The following TCF7L1 variants were observed in gnomAD, a reference collection of about 807,000 sequenced individuals.
The protein encoded by TCF7L1 is transcription factor 7 like 1, also known as transcription factor 7-like 1.
Under a neutral mutation model 63.7 loss-of-function variants are expected in TCF7L1, and 18 were observed. That is an observed-to-expected ratio of 0.28 (90% CI 0.20 to 0.42). TCF7L1 has a LOEUF of 0.42. Ranked by LOEUF, TCF7L1 falls within the 10% of genes least tolerant of loss-of-function variation. The pLI is 1.00. For missense variants in TCF7L1, 654 were observed against 779.3 expected (o/e 0.84, Z 1.91); for synonymous variants, 355 against 340.9 (o/e 1.04, Z -0.46).
intron 3 of TCF7L1, among the ~76,000 whole-genome samples, chr2:85,257,631 A>G (rs983018405): frequency 6.6e-6 from 1 of 152,206 alleles, no homozygotes; most frequent in Admixed American, 6.5e-5. Flanking sequence ...GCTGCTGGCC[A>G]CACATGCCCA....
rs966897182 is a variant in TCF7L1 at position 85,269,792 on chromosome 2, G to A, written c.442-13703G>A. Among the ~76,000 whole-genome samples the A allele has an allele frequency of 5.9e-5, 9 of 152,132 alleles. No individual in the cohort carries two copies. In the South Asian group the frequency reaches 6.2e-4, roughly 11 times the overall value. On this transcript the variant is annotated intron_variant, in intron 3 of 11. Transcript: ENST00000282111. Reference sequence around the variant, plus strand: ...CTCCCTTCAATATGGACATAAAATCGTGTTGTTCCCTGAGATATGTAAGCC... The same window carrying A: ...CTCCCTTCAATATGGACATAAAATCATGTTGTTCCCTGAGATATGTAAGCC...
chr2:85,150,266 C>T (rs1008925237), intron 3 of TCF7L1, among the ~76,000 whole-genome samples: 21 of 149,948 alleles, frequency 1.4e-4, no homozygotes, highest in Admixed American at 4.0e-4. Flanking sequence ...CGGAGTCTCG[C>T]TCTGTCGCCC....
At chr2:85,160,258 C>T (rs1035211399) in intron 3 of TCF7L1, among the ~76,000 whole-genome samples, 3 of 152,122 alleles carry the variant, frequency 2.0e-5, no homozygotes, top group Non-Finnish European at 2.9e-5. Context: ...ATTTGTTGGC[C>T]GCATTGTGTG....
chr2:85,171,772 A>G (rs1010945066), intron 3 of TCF7L1, among the ~76,000 whole-genome samples: 2 of 152,166 alleles, frequency 1.3e-5, no homozygotes, highest in Admixed American at 6.5e-5. Flanking sequence ...GGACTCTCCA[A>G]GCCTCCATCT....
At chr2:85,215,493 G>T (rs578240981) in intron 3 of TCF7L1, among the ~76,000 whole-genome samples, 79 of 152,238 alleles carry the variant, frequency 5.2e-4, no homozygotes, top group Non-Finnish European at 9.0e-4. Context: ...TGCTTGGCAG[G>T]TTGGCTTGGC....
At position 85,309,143 on chromosome 2, in the gene TCF7L1, C is replaced by G; in HGVS notation, c.1448C>G (p.Ser483Cys). The G allele has an allele frequency of 1.2e-6, 2 of 1,614,094 alleles. No individual in the cohort carries two copies. Among genetic ancestry groups the G allele is most frequent in the Non-Finnish European group, 1.7e-6 (2 of 1,180,030 alleles). The change falls in exon 12 of 12, where the codon TCT (serine) becomes TGT (cysteine). Residue 483 changes from serine to cysteine, a missense_variant. Physicochemically the swap from Ser to Cys is moderately radical, Grantham distance 112. This residue lies in a region of TCF7L1 where 184 missense variants were observed against 204.0 expected (regional missense o/e 0.90). Transcript: ENST00000282111. Reference protein sequence around the residue: ...GSMLDSPATPSAALASPAAPA... With the variant: ...GSMLDSPATPCAALASPAAPA... Reference sequence around the variant, plus strand: ...ATGCTGGACTCCCCGGCCACTCCCTCTGCAGCTTTGGCCTCACCAGCTGCC... The same window carrying G: ...ATGCTGGACTCCCCGGCCACTCCCTGTGCAGCTTTGGCCTCACCAGCTGCC...
At chr2:85,156,980 C>A (rs1189532345) in intron 3 of TCF7L1, among the ~76,000 whole-genome samples, 2 of 152,230 alleles carry the variant, frequency 1.3e-5, no homozygotes, top group Non-Finnish European at 2.9e-5. Flanking sequence ...TGCTAACCAT[C>A]TTACAATGCA....
In TCF7L1 at chr2:85,144,599, C is replaced by T. The variant is rs546142643; in HGVS notation, c.441+10149C>T. 4.6e-5 allele frequency among the ~76,000 whole-genome samples: 7 copies of T among 151,604 alleles called. No homozygotes were observed. In the South Asian group the frequency reaches 1.5e-3, roughly 32 times the overall value. On this transcript the variant is annotated intron_variant, in intron 3 of 11. Coordinates refer to ENST00000282111, the MANE Select transcript of TCF7L1 (RefSeq NM_031283.3). ...CCTGGGTGACAGAGTAAGACCCTGTCTCAAAAAAAAAATTTTTTTTGAACA... is the reference window on the plus strand; with the variant it reads ...CCTGGGTGACAGAGTAAGACCCTGTTTCAAAAAAAAAATTTTTTTTGAACA...
At chr2:85,205,480 G>T (rs994515288) in intron 3 of TCF7L1, among the ~76,000 whole-genome samples, 1 of 151,768 alleles carries the variant, frequency 6.6e-6, no homozygotes, top group Non-Finnish European at 1.5e-5. Flanking sequence ...CTACACTCCC[G>T]GCCTGTTCAT....
At chr2:85,239,807 T>C (rs189484650) in intron 3 of TCF7L1, among the ~76,000 whole-genome samples, 171 of 151,932 alleles carry the variant, frequency 1.1e-3, no homozygotes, top group African/African-American at 3.9e-3. Flanking sequence ...TAGCCGGGCA[T>C]GGTGGCACGC....
chr2:85,146,059 C>T (rs1408656011), intron 3 of TCF7L1, among the ~76,000 whole-genome samples: 1 of 152,032 alleles, frequency 6.6e-6, no homozygotes, highest in African/African-American at 2.4e-5. Context: ...TAACACCTGA[C>T]TCATAATAAG....
At chr2:85,277,421 G>A (rs1240646736) in intron 3 of TCF7L1, among the ~76,000 whole-genome samples, 1 of 152,112 alleles carries the variant, frequency 6.6e-6, no homozygotes, top group Non-Finnish European at 1.5e-5. Context: ...CGGAGTTTGG[G>A]TGTAGCCTTG....
At chr2:85,282,385 G>A (rs192233757) in intron 3 of TCF7L1, among the ~76,000 whole-genome samples, 3 of 152,330 alleles carry the variant, frequency 2.0e-5, no homozygotes, top group East Asian at 3.9e-4. Context: ...GGCTGCTTGC[G>A]GGTCTGTTGC....
intron 3 of TCF7L1, among the ~76,000 whole-genome samples, chr2:85,169,071 C>A (rs1678488579): frequency 6.6e-6 from 1 of 152,202 alleles, no homozygotes; most frequent in African/African-American, 2.4e-5. Context: ...AAAACACCAT[C>A]ATTTCATAAC....
chr2:85,301,450 C>T (rs545295233), intron 4 of TCF7L1, among the ~76,000 whole-genome samples: 1 of 152,220 alleles, frequency 6.6e-6, no homozygotes, highest in East Asian at 1.9e-4. Flanking sequence ...AAATAAAAAG[C>T]CTTATGGATA....
intron 3 of TCF7L1, among the ~76,000 whole-genome samples, chr2:85,222,765 A>C (rs1679875643): frequency 6.6e-6 from 1 of 152,128 alleles, no homozygotes; most frequent in Non-Finnish European, 1.5e-5. Flanking sequence ...TTGGATCCTG[A>C]TTGGAATAAA....
intron 3 of TCF7L1, among the ~76,000 whole-genome samples, chr2:85,176,242 G>A (rs955270963): frequency 1.3e-5 from 2 of 152,198 alleles, no homozygotes; most frequent in Non-Finnish European, 2.9e-5. Flanking sequence ...TGGGACATCT[G>A]AGTTTGAGGC....
intron 3 of TCF7L1, among the ~76,000 whole-genome samples, chr2:85,254,161 T>A (rs541398246): frequency 8.5e-5 from 13 of 152,380 alleles, no homozygotes; most frequent in African/African-American, 1.9e-4. Context: ...GATAATCATT[T>A]GTAGACTTGC....
intron 3 of TCF7L1, among the ~76,000 whole-genome samples, chr2:85,143,545 G>A (rs1242779726): frequency 1.3e-5 from 2 of 152,194 alleles, no homozygotes; most frequent in Non-Finnish European, 2.9e-5. Flanking sequence ...GTAGATACTT[G>A]TTCCCATTTT....
Sources: allele counts gnomAD v4.1 joint callset (sites outside exome capture counted in the v4.1 genomes callset), GRCh38; gene constraint gnomAD v4.1.1; regional missense constraint gnomAD v4.1.1; transcripts MANE v1.5; gene names NCBI Gene and HGNC (gene_info 2026-07-23, HGNC 2026-07-21).